PDE4B: variants seen among roughly 807,000 people sequenced by gnomAD.
The protein encoded by PDE4B is phosphodiesterase 4B.
Under a neutral mutation model 82.2 loss-of-function variants are expected in PDE4B, and 20 were observed. That is an observed-to-expected ratio of 0.24 (90% CI 0.17 to 0.35). The LOEUF (loss-of-function observed/expected upper bound fraction) is 0.35. Ranked by LOEUF, PDE4B falls within the 10% of genes least tolerant of loss-of-function variation. The pLI, the probability that PDE4B is intolerant of heterozygous loss-of-function variation, is 1.00. For synonymous variants in PDE4B, 320 were observed against 318.9 expected (o/e 1.00, Z -0.04); for missense variants, 655 against 907.2 (o/e 0.72, Z 3.57).
chr1:66,132,425 C>T (rs184722719), intron 3 of PDE4B, among the ~76,000 whole-genome samples: 3 of 152,118 alleles, frequency 2.0e-5, no homozygotes, highest in East Asian at 3.9e-4. Context: ...TTAGGATTGG[C>T]GACTCATGTT....
chr1:65,889,598 A>G (rs554052672), intron 1 of PDE4B, among the ~76,000 whole-genome samples: 11 of 152,186 alleles, frequency 7.2e-5, no homozygotes, highest in South Asian at 4.1e-4. Flanking sequence ...GCCAAGGAAA[A>G]CACATGCTGC....
At chr1:65,994,471 C>T (rs779065337) in intron 3 of PDE4B, among the ~76,000 whole-genome samples, 5 of 148,890 alleles carry the variant, frequency 3.4e-5, no homozygotes, top group South Asian at 2.2e-4. Context: ...GCAGAATACA[C>T]GTGGTTAGTC....
At chr1:66,355,009 C>T in intron 8 of PDE4B, 1 of 829,384 alleles carries the variant, frequency 1.2e-6, no homozygotes, top group Middle Eastern at 2.9e-4. Context: ...TTCATTTAAC[C>T]CACTGGGACC....
At chr1:66,204,351 A>G (rs543166109) in intron 3 of PDE4B, among the ~76,000 whole-genome samples, 3 of 152,366 alleles carry the variant, frequency 2.0e-5, no homozygotes, top group East Asian at 3.9e-4. Flanking sequence ...GTGTGCTGGG[A>G]GAACCTCTAC....
intron 1 of PDE4B, among the ~76,000 whole-genome samples, chr1:65,848,393 C>T (rs1263256209): frequency 6.6e-6 from 1 of 152,082 alleles, no homozygotes; most frequent in Non-Finnish European, 1.5e-5. Context: ...ATCTGTCTGC[C>T]TCAGCCTCCT....
intron 7 of PDE4B, among the ~76,000 whole-genome samples, chr1:66,323,267 T>G (rs1659531858): frequency 6.6e-6 from 1 of 152,178 alleles, no homozygotes; most frequent in South Asian, 2.1e-4. Context: ...CCTGGAATAC[T>G]TTCCTCTCCC....
intron 4 of PDE4B, among the ~76,000 whole-genome samples, chr1:66,250,947 G>A (rs1274265698): frequency 6.6e-6 from 1 of 152,172 alleles, no homozygotes; most frequent in Non-Finnish European, 1.5e-5. Flanking sequence ...TCTAGAGAGA[G>A]CCTACTCATT....
chr1:66,173,179 A>G (rs1646870541), intron 3 of PDE4B, among the ~76,000 whole-genome samples: 2 of 152,218 alleles, frequency 1.3e-5, no homozygotes, highest in African/African-American at 4.8e-5. Flanking sequence ...TCCAGGCATA[A>G]TATAGCATAG....
At chr1:66,295,221 A>G (rs1657416491) in intron 7 of PDE4B, among the ~76,000 whole-genome samples, 2 of 152,100 alleles carry the variant, frequency 1.3e-5, no homozygotes, top group African/African-American at 2.4e-5. Context: ...ATCCTGTTGG[A>G]TAGAGTTCAA....
intron 3 of PDE4B, among the ~76,000 whole-genome samples, chr1:66,047,675 G>A (rs1654790521): frequency 6.6e-6 from 1 of 151,922 alleles, no homozygotes; most frequent in Admixed American, 6.6e-5. Context: ...TATATGGATG[G>A]TCTCTGAAGA....
At chr1:66,243,426 C>T (rs60061949) in intron 3 of PDE4B, among the ~76,000 whole-genome samples, 2,631 of 152,216 alleles carry the variant, frequency 0.017, 71 homozygotes, top group African/African-American at 0.06. Flanking sequence ...AATACTGAGT[C>T]CCTTCTGGCT....
chr1:66,195,142 G>T (rs1648179767), intron 3 of PDE4B, among the ~76,000 whole-genome samples: 1 of 152,064 alleles, frequency 6.6e-6, no homozygotes, highest in African/African-American at 2.4e-5. Flanking sequence ...TTAATGCTTA[G>T]ACTCTTTTGA....
intron 6 of PDE4B, among the ~76,000 whole-genome samples, chr1:66,264,747 G>T (rs985231957): frequency 4.6e-5 from 7 of 152,160 alleles, no homozygotes; most frequent in African/African-American, 1.7e-4. Flanking sequence ...AAAACCTAGG[G>T]AATTAATTCT....
intron 1 of PDE4B, among the ~76,000 whole-genome samples, chr1:65,890,133 AATT>A (rs926265879): frequency 3.0e-4 from 46 of 150,852 alleles, no homozygotes; most frequent in African/African-American, 1.1e-3. Flanking sequence ...AAGCTTGACA[AATT>A]TTTTTTTTTT....
chr1:65,982,645 C>T (rs1458349638), intron 3 of PDE4B, among the ~76,000 whole-genome samples: 1 of 152,130 alleles, frequency 6.6e-6, no homozygotes, highest in Non-Finnish European at 1.5e-5. Flanking sequence ...GTGAATTGCA[C>T]AGGAGGCCAA....
chr1:65,950,603 A>G (rs1227656398), intron 3 of PDE4B, among the ~76,000 whole-genome samples: 1 of 152,092 alleles, frequency 6.6e-6, no homozygotes, highest in Non-Finnish European at 1.5e-5. Context: ...ACACTGGAGC[A>G]CAAATTACAC....
At chr1:66,108,495 C>T (rs1297147526) in intron 3 of PDE4B, among the ~76,000 whole-genome samples, 2 of 151,998 alleles carry the variant, frequency 1.3e-5, no homozygotes, top group Non-Finnish European at 2.9e-5. Context: ...AAACAATCAA[C>T]AGAGTGAAGA....
intron 3 of PDE4B, among the ~76,000 whole-genome samples, chr1:66,204,976 G>A (rs188669866): frequency 3.2e-4 from 49 of 152,212 alleles, no homozygotes; most frequent in Admixed American, 2.9e-3. Flanking sequence ...ATTCCTATTC[G>A]GCCATCTTGG....
At chr1:66,333,525 G>A (rs1383796127) in intron 8 of PDE4B, among the ~76,000 whole-genome samples, 1 of 152,092 alleles carries the variant, frequency 6.6e-6, no homozygotes, top group Non-Finnish European at 1.5e-5. Flanking sequence ...ACCCTCATAG[G>A]TGCACATTTC....
Sources: gnomAD v4.1 joint callset for allele counts (sites outside exome capture counted in the v4.1 genomes callset) on GRCh38, gnomAD v4.1.1 for gene constraint, MANE v1.5 for transcripts, NCBI Gene and HGNC (gene_info 2026-07-23, HGNC 2026-07-21) for gene names.